The following HMCN1 variants were observed in gnomAD, a reference collection of about 807,000 sequenced individuals.
HMCN1 encodes the protein hemicentin 1, also known as hemicentin-1.
HMCN1 carries 321 observed loss-of-function variants against 625.9 expected under a neutral mutation model. That is an observed-to-expected ratio of 0.51 (90% CI 0.47 to 0.56). HMCN1 has a LOEUF of 0.56. Ranked by LOEUF, HMCN1 falls within the 20% of genes least tolerant of loss-of-function variation. The probability of loss-of-function intolerance (pLI) is 0.00; values close to 1 mark genes in which losing one functional copy is unlikely to be tolerated. For synonymous variants in HMCN1, 2,425 were observed against 2,417.6 expected (o/e 1.00, Z -0.09); for missense variants, 6,588 against 6,887.3 (o/e 0.96, Z 1.54).
chr1:185,880,436 A>G lies in HMCN1; in HGVS notation c.621+14573A>G, dbSNP rs114658549. On this transcript the variant is annotated intron_variant, in intron 4 of 106. Coordinates refer to ENST00000271588, the MANE Select transcript of HMCN1 (RefSeq NM_031935.3). ...TCTGTTTGTTTTAACTTTCACTGAT[A>G]TATCATGCTTTTTCCTCTGATACTT... Among the ~76,000 whole-genome samples, 572 of 152,286 alleles carry G rather than the reference A, an allele frequency of 3.8e-3. 2 individuals carry two copies. The highest frequency in any genetic ancestry group is 5.7e-3 in the Non-Finnish European group (389 of 68,030).
chr1:185,755,868 CT>C (rs1655102303), intron 1 of HMCN1, among the ~76,000 whole-genome samples: 1 of 152,118 alleles, frequency 6.6e-6, no homozygotes. Flanking sequence ...GTGTTACGGC[CT>C]TAGAAAGCAT....
At chr1:186,183,660 G>T (rs1367623185) in intron 105 of HMCN1, among the ~76,000 whole-genome samples, 5 of 152,080 alleles carry the variant, frequency 3.3e-5, no homozygotes, top group Non-Finnish European at 7.4e-5. Context: ...TAGATAATTT[G>T]TACCCATTCT....
chr1:186,027,754 C>T (rs1002405856), intron 36 of HMCN1, among the ~76,000 whole-genome samples: 2 of 152,146 alleles, frequency 1.3e-5, no homozygotes, highest in Non-Finnish European at 2.9e-5. Flanking sequence ...TGTAAAGTCC[C>T]TCCTGCCTTT....
At chr1:185,907,481 C>T (rs1200230881) in intron 4 of HMCN1, among the ~76,000 whole-genome samples, 1 of 151,918 alleles carries the variant, frequency 6.6e-6, no homozygotes, top group Non-Finnish European at 1.5e-5. Context: ...CTTCCAGCCT[C>T]ATCTTCTTCT....
At chr1:185,847,113 T>C (rs1287212424) in intron 2 of HMCN1, among the ~76,000 whole-genome samples, 1 of 150,826 alleles carries the variant, frequency 6.6e-6, no homozygotes, top group Non-Finnish European at 1.5e-5. Flanking sequence ...ATTTTTCACT[T>C]CTTCTAATCT....
chr1:185,911,885 A>G (rs771544538), intron 6 of HMCN1, 105 bp downstream of exon 6: 51 of 867,578 alleles, frequency 5.9e-5, no homozygotes, highest in Non-Finnish European at 7.8e-5. Context: ...GCTATCATGG[A>G]GAGTGCTTGT....
chr1:186,003,518 T>C (rs1571698202), intron 28 of HMCN1, among the ~76,000 whole-genome samples, 200 bp from the exon 29 acceptor site: 1 of 152,284 alleles, frequency 6.6e-6, no homozygotes, highest in Non-Finnish European at 1.5e-5. Flanking sequence ...TGCTAGCAAA[T>C]ATTTTATAAA....
chr1:185,839,816 A>G (rs1242899363), intron 1 of HMCN1, among the ~76,000 whole-genome samples: 1 of 152,206 alleles, frequency 6.6e-6, no homozygotes, highest in Non-Finnish European at 1.5e-5. Flanking sequence ...TACTATGTGC[A>G]ATTTTGTTCA....
intron 103 of HMCN1, among the ~76,000 whole-genome samples, chr1:186,176,133 A>T (rs1320442248): frequency 1.3e-5 from 2 of 152,078 alleles, no homozygotes. Flanking sequence ...CCATGTGTTG[A>T]CCTAACAATA....
chr1:186,178,828 A>G, intron 104 of HMCN1, 62 bp downstream of exon 104: 1 of 1,099,758 alleles, frequency 9.1e-7, no homozygotes, highest in South Asian at 1.2e-5. Flanking sequence ...AAGTATGTGT[A>G]CAGCACCTGT....
intron 64 of HMCN1, among the ~76,000 whole-genome samples, chr1:186,092,340 T>C (rs1221330812): frequency 2.0e-5 from 3 of 151,874 alleles, no homozygotes; most frequent in Non-Finnish European, 4.4e-5. Flanking sequence ...AAATTTTATT[T>C]TGAAAAAGAA....
intron 1 of HMCN1, among the ~76,000 whole-genome samples, chr1:185,780,893 C>G: frequency 6.6e-6 from 1 of 152,122 alleles, no homozygotes; most frequent in Admixed American, 6.5e-5. Context: ...CCCTCTTTTT[C>G]TATTGATTGG....
intron 15 of HMCN1, among the ~76,000 whole-genome samples, chr1:185,977,313 G>T (rs1204978895): frequency 6.6e-6 from 1 of 152,106 alleles, no homozygotes; most frequent in Non-Finnish European, 1.5e-5. Context: ...GGAGTAAATA[G>T]TGTTAGCTTG....
intron 81 of HMCN1, among the ~76,000 whole-genome samples, chr1:186,124,700 A>G (rs1661563242): frequency 6.6e-6 from 1 of 152,088 alleles, no homozygotes; most frequent in Admixed American, 6.5e-5. Context: ...AACTGAAAGT[A>G]GCTAATTAAA....
At chr1:186,064,486 T>G (rs1294448039) in intron 48 of HMCN1, among the ~76,000 whole-genome samples, 1 of 152,110 alleles carries the variant, frequency 6.6e-6, no homozygotes, top group Non-Finnish European at 1.5e-5. Flanking sequence ...TTTTACAGCT[T>G]TTTGTCAAAA....
intron 12 of HMCN1, 149 bp from the exon 13 acceptor site, chr1:185,963,619 T>G (rs1405653614): frequency 1.6e-6 from 1 of 624,612 alleles, no homozygotes; most frequent in African/African-American, 1.8e-5. Flanking sequence ...TTTCTGCTTA[T>G]AAAATAATGA....
intron 10 of HMCN1, among the ~76,000 whole-genome samples, chr1:185,929,825 C>T (rs1382122639): frequency 2.0e-5 from 3 of 152,128 alleles, no homozygotes; most frequent in African/African-American, 7.2e-5. Flanking sequence ...TCTTCTGAAA[C>T]AATTTAGCAA....
intron 1 of HMCN1, among the ~76,000 whole-genome samples, chr1:185,787,745 C>T (rs1045722429): frequency 2.0e-5 from 3 of 152,222 alleles, no homozygotes; most frequent in African/African-American, 7.2e-5. Flanking sequence ...AGCAAACTAA[C>T]ATCCGTTGTG....
At chr1:186,157,685 G>A (rs966653791) in intron 97 of HMCN1, among the ~76,000 whole-genome samples, 3 of 152,106 alleles carry the variant, frequency 2.0e-5, no homozygotes, top group Non-Finnish European at 2.9e-5. Context: ...GTGAGAATAT[G>A]CGGTGTTTGG....
Sources: gnomAD v4.1 joint callset for allele counts (sites outside exome capture counted in the v4.1 genomes callset) on GRCh38, gnomAD v4.1.1 for gene constraint, MANE v1.5 for transcripts, NCBI Gene and HGNC (gene_info 2026-07-23, HGNC 2026-07-21) for gene names.